The following FBXO11 variants were observed in gnomAD, a reference collection of about 807,000 sequenced individuals.
The protein encoded by FBXO11 is F-box protein 11.
Under a neutral mutation model 117.0 loss-of-function variants are expected in FBXO11, and 13 were observed. That is an observed-to-expected ratio of 0.11 (90% CI 0.07 to 0.18). The LOEUF (loss-of-function observed/expected upper bound fraction) is 0.18. Ranked by LOEUF, FBXO11 falls within the 10% of genes least tolerant of loss-of-function variation. FBXO11 has a pLI of 1.00. For missense variants in FBXO11, 767 were observed against 1,164.4 expected, an observed-to-expected ratio of 0.66 and a Z score of 4.97; for synonymous variants, 490 against 380.5, an observed-to-expected ratio of 1.29 and a Z score of -3.35.
At chr2:47,893,779 C>T (rs1677444778) in intron 1 of FBXO11, among the ~76,000 whole-genome samples, 1 of 152,096 alleles carries the variant, frequency 6.6e-6, no homozygotes, top group South Asian at 2.1e-4. Flanking sequence ...TAAGAAACCA[C>T]TCTGGAAAAA....
chr2:47,819,598 A>G (rs1671240176), intron 14 of FBXO11, among the ~76,000 whole-genome samples: 1 of 152,234 alleles, frequency 6.6e-6, no homozygotes, highest in South Asian at 2.1e-4. Context: ...TACTTTTAAT[A>G]TCACAGTAAT....
chr2:47,823,555 C>A (rs1399406657), intron 11 of FBXO11, among the ~76,000 whole-genome samples, 195 bp from the exon 12 acceptor site: 1 of 152,068 alleles, frequency 6.6e-6, no homozygotes, highest in Non-Finnish European at 1.5e-5. Flanking sequence ...CAAGAGGAGA[C>A]CAGCCTGGCC....
Position 47,813,772 on chromosome 2 carries a change from G to A in FBXO11, c.2083+19C>T, listed in dbSNP as rs74263425. The A allele has an allele frequency of 1.4e-6, 2 of 1,408,660 alleles. No homozygotes were observed. The highest frequency in any genetic ancestry group is 1.5e-5 in the African/African-American group (1 of 67,662). 87.3% of individuals were successfully genotyped at this position (1,408,660 alleles called of 1,614,324 possible). ...CTAAAGTTTATTAACACAGAAAAAA[G>A]ATGACAGATTAAACATACCAGAATT... On this transcript the variant is annotated intron_variant, in intron 17 of 22. Transcript: ENST00000403359.
rs1678091000 is a variant in FBXO11 at position 47,900,652 on chromosome 2, GTATACACACACGTACGTA to G, written c.232+4819_232+4836del. Among the ~76,000 whole-genome samples, 20 of 102,290 alleles carry G rather than the reference GTATACACACACGTACGTA, an allele frequency of 2.0e-4. 4 individuals carry two copies. The South Asian group carries it at 7.1e-3, about 36-fold the overall frequency. 67.1% of individuals were successfully genotyped at this position (102,290 alleles called of 152,430 possible). A position where few individuals can be genotyped will look rare whatever the true frequency, so the allele number is the denominator to read the frequency against. On this transcript the variant is annotated intron_variant, in intron 1 of 22. Coordinates refer to ENST00000403359, the MANE Select transcript of FBXO11 (RefSeq NM_001190274.2). ...TACACACACGTACGTATATACACAC[GTATACACACACGTACGTA>G]TATACACACGTATACACACACGTAT...
intron 1 of FBXO11, among the ~76,000 whole-genome samples, chr2:47,897,015 C>G (rs1285351251): frequency 1.3e-5 from 2 of 152,056 alleles, no homozygotes; most frequent in African/African-American, 4.8e-5. Flanking sequence ...CCCTTTAAAG[C>G]TTGTTTTTTT....
At chr2:47,851,329 C>G (rs757039432) in intron 1 of FBXO11, among the ~76,000 whole-genome samples, 1 of 151,994 alleles carries the variant, frequency 6.6e-6, no homozygotes. Flanking sequence ...CAGGTTCAAG[C>G]GATTCTCCTG....
intron 1 of FBXO11, among the ~76,000 whole-genome samples, chr2:47,854,990 T>A (rs1353702926): frequency 6.6e-6 from 1 of 151,776 alleles, no homozygotes; most frequent in Non-Finnish European, 1.5e-5. Context: ...TCCTTCAATA[T>A]CAGCAATAAA....
At chr2:47,814,734 C>T (rs1235966288) in intron 16 of FBXO11, among the ~76,000 whole-genome samples, 1 of 152,182 alleles carries the variant, frequency 6.6e-6, no homozygotes, top group Non-Finnish European at 1.5e-5. Flanking sequence ...CTGACTCTTC[C>T]TTTCACGGAA....
At chr2:47,824,907 T>G (rs1671637467) in intron 11 of FBXO11, among the ~76,000 whole-genome samples, 1 of 152,232 alleles carries the variant, frequency 6.6e-6, no homozygotes. Flanking sequence ...CTCTCTTTCC[T>G]CTTTAAAATC....
chr2:47,899,787 A>G (rs1483568145), intron 1 of FBXO11, among the ~76,000 whole-genome samples: 1 of 152,220 alleles, frequency 6.6e-6, no homozygotes, highest in Non-Finnish European at 1.5e-5. Flanking sequence ...AGTGAATTGG[A>G]AGGTCTAAAA....
At chr2:47,896,494 C>T (rs1677677963) in intron 1 of FBXO11, among the ~76,000 whole-genome samples, 1 of 152,066 alleles carries the variant, frequency 6.6e-6, no homozygotes, top group African/African-American at 2.4e-5. Context: ...CACCCCACAG[C>T]TAACTTTGTA....
intron 20 of FBXO11, 111 bp downstream of exon 20, chr2:47,809,488 TA>T: frequency 1.2e-6 from 1 of 818,912 alleles, no homozygotes. Context: ...AAATCTATCT[TA>T]AACTGTTGCT....
chr2:47,886,122 T>C (rs1219592235), intron 1 of FBXO11, among the ~76,000 whole-genome samples: 1 of 151,608 alleles, frequency 6.6e-6, no homozygotes, highest in Non-Finnish European at 1.5e-5. Flanking sequence ...TCAAAATGTA[T>C]AATCAAACAT....
At chr2:47,900,799 TAC>T (rs1303560399) in intron 1 of FBXO11, among the ~76,000 whole-genome samples, 2 of 70,454 alleles carry the variant, frequency 2.8e-5, no homozygotes, top group African/African-American at 1.0e-4. Context: ...TGTATATATA[TAC>T]ACGTATACAC....
chr2:47,905,684 G>A lies in FBXO11; in HGVS notation c.37C>T (p.Arg13Ter), dbSNP rs1233367010. 6.6e-7 allele frequency: 1 copy of A among 1,519,046 alleles called. No homozygotes were observed. 94.1% of individuals were successfully genotyped at this position (1,519,046 alleles called of 1,614,324 possible). A position where few individuals can be genotyped will look rare whatever the true frequency, so the allele number is the denominator to read the frequency against. The change falls in exon 1 of 23, where the codon CGA becomes TGA. Residue 13 changes from arginine (R) to a stop codon, truncating the protein, a stop_gained. Coordinates refer to ENST00000403359, the MANE Select transcript of FBXO11 (RefSeq NM_001190274.2). LOFTEE classifies it high-confidence loss of function. Reference sequence around the variant, plus strand: ...TGCACCGGGCGCGGCCGCGACACTCGCCTGGGTCTCCGGTTGGCGGCTCGG... The same window carrying A: ...TGCACCGGGCGCGGCCGCGACACTCACCTGGGTCTCCGGTTGGCGGCTCGG... ...SVRAANRRPRRVSRPRPVQQQ... is the reference protein window; with the variant it reads ...SVRAANRRPR
At chr2:47,896,330 CTTT>C (rs369438123) in intron 1 of FBXO11, among the ~76,000 whole-genome samples, 2 of 142,950 alleles carry the variant, frequency 1.4e-5, no homozygotes, top group African/African-American at 2.6e-5. Flanking sequence ...TGTTTCTTTT[CTTT>C]TTTTTTTTTT....
intron 11 of FBXO11, among the ~76,000 whole-genome samples, chr2:47,828,245 T>G (rs1395837740): frequency 6.6e-6 from 1 of 152,152 alleles, no homozygotes; most frequent in East Asian, 1.9e-4. Context: ...CCTCCCGAAG[T>G]GCTGGGATTA....
At chr2:47,861,158 T>C (rs1674742520) in intron 1 of FBXO11, among the ~76,000 whole-genome samples, 1 of 152,070 alleles carries the variant, frequency 6.6e-6, no homozygotes, top group Admixed American at 6.5e-5. Flanking sequence ...CCTTCCCCTA[T>C]TTTTAAGTCT....
At chr2:47,876,399 T>C (rs1676008918) in intron 1 of FBXO11, among the ~76,000 whole-genome samples, 1 of 152,258 alleles carries the variant, frequency 6.6e-6, no homozygotes, top group South Asian at 2.1e-4. Context: ...CCTGGTTTAC[T>C]ATTCTTGCTG....
Sources: allele counts gnomAD v4.1 joint callset (sites outside exome capture counted in the v4.1 genomes callset), GRCh38; gene constraint gnomAD v4.1.1; transcripts MANE v1.5; gene names NCBI Gene and HGNC (gene_info 2026-07-23, HGNC 2026-07-21).